The following ANKRD26 variants were observed in gnomAD, a reference collection of about 807,000 sequenced individuals.
ANKRD26 encodes the protein ankyrin repeat domain 26.
A neutral mutation model predicts 208.7 loss-of-function variants in ANKRD26; 141 were observed. The ratio of observed to expected loss-of-function variants is 0.68; its 90% CI spans 0.59 to 0.78. The LOEUF (loss-of-function observed/expected upper bound fraction) is 0.78. ANKRD26 is among the 30% of genes least tolerant of loss of function. ANKRD26 has a pLI of 0.00. For synonymous variants in ANKRD26, 636 were observed against 660.4 expected, an observed-to-expected ratio of 0.96 and a Z score of 0.57; for missense variants, 1,889 against 1,938.7, an observed-to-expected ratio of 0.97 and a Z score of 0.48.
At chr10:27,012,685 C>A (rs1326135104) in intron 32 of ANKRD26, among the ~76,000 whole-genome samples, 197 bp downstream of exon 32, 2 of 152,076 alleles carry the variant, frequency 1.3e-5, no homozygotes. Flanking sequence ...TGGTGGCACA[C>A]ACCTGTAATC....
chr10:26,999,606 G>A (rs2052673773), downstream of ANKRD26, among the ~76,000 whole-genome samples: 1 of 151,990 alleles, frequency 6.6e-6, no homozygotes, highest in South Asian at 2.1e-4. Flanking sequence ...TCTCCTGAAG[G>A]AGAAACCTCA....
chr10:27,093,750 G>A lies in ANKRD26; in HGVS notation c.292C>T (p.Leu98Phe). ...CANGHPEVVT[L>F]LVDRKCQLNV... ...AGCTGGCATTTTCTGTCCACCAGGA[G>A]AGTTACTACTTCTGGATGACCATTG... is the stretch of plus-strand genomic sequence containing the variant. Residue 98 changes from leucine to phenylalanine, a missense_variant, in exon 2 of 34, where the codon CTC becomes TTC. Leu to Phe is a conservative substitution (Grantham distance 22, BLOSUM62 0). This residue lies in a region of ANKRD26 where 1,272 missense variants were observed against 1,273.8 expected (regional missense o/e 1.00). Coordinates refer to ENST00000376087, the MANE Select transcript of ANKRD26 (RefSeq NM_014915.3). 3 of 1,614,244 alleles carry A rather than the reference G, an allele frequency of 1.9e-6. No individual in the cohort carries two copies. Among genetic ancestry groups the A allele is most frequent in the Non-Finnish European group, 2.5e-6 (3 of 1,180,054 alleles).
chr10:27,048,841 G>C lies in ANKRD26; in HGVS notation c.1774C>G (p.His592Asp). Residue 592 changes from histidine (H) to aspartate (D), a missense_variant, in exon 17 of 34, where the codon CAT (histidine) becomes GAT (aspartate). This residue lies in a region of ANKRD26 where 1,272 missense variants were observed against 1,273.8 expected (regional missense o/e 1.00). Transcript: ENST00000376087. ...TTTTCCTTCCTGGGAAATTGCTGAT[G>C]ATCAGTTTCTCCACTCTTTCTTTTT... ...IQKRKSGETDHQQFPRKENKE... is the reference protein window; with the variant it reads ...IQKRKSGETDDQQFPRKENKE... 6.2e-7 allele frequency: 1 copy of C among 1,613,084 alleles called. No homozygotes were observed. The highest frequency in any genetic ancestry group is 1.7e-5 in the Admixed American group (1 of 59,970).
At chr10:27,037,031 G>C (rs1001155364) in intron 23 of ANKRD26, among the ~76,000 whole-genome samples, 155 bp downstream of exon 23, 1 of 152,148 alleles carries the variant, frequency 6.6e-6, no homozygotes, top group Admixed American at 6.5e-5. Flanking sequence ...TTTATCCAAT[G>C]GACCAAAAAC....
At chr10:27,070,379 G>A (rs1439743495) in intron 9 of ANKRD26, among the ~76,000 whole-genome samples, 4 of 152,102 alleles carry the variant, frequency 2.6e-5, no homozygotes, top group Non-Finnish European at 4.4e-5. Context: ...CAGCCTAGGC[G>A]ACAGAGCAAG....
At chr10:27,060,566 C>G (rs752515607) in intron 13 of ANKRD26, 26 bp from the exon 14 acceptor site, 1 of 1,447,138 alleles carries the variant, frequency 6.9e-7, no homozygotes, top group South Asian at 1.2e-5. Flanking sequence ...GACATATAAT[C>G]AATTATACAT....
chr10:26,986,847 T>C (rs1054469953), intron 3 of ANKRD26, among the ~76,000 whole-genome samples: 1 of 152,206 alleles, frequency 6.6e-6, no homozygotes, highest in African/African-American at 2.4e-5. Context: ...GTAAACTAGT[T>C]CAACCATTGT....
the ANKRD26 span, among the ~76,000 whole-genome samples, chr10:26,956,997 T>C: frequency 6.6e-6 from 1 of 152,214 alleles, no homozygotes; most frequent in Non-Finnish European, 1.5e-5. Flanking sequence ...TGAATGACAT[T>C]GAGAATACTG....
At position 27,035,364 on chromosome 10, in the gene ANKRD26, T is replaced by A. The variant is rs775084788; in HGVS notation, c.3086A>T (p.Glu1029Val). The A allele has an allele frequency of 6.2e-7, 1 of 1,613,930 alleles. No homozygotes were observed. Among genetic ancestry groups the A allele is most frequent in the East Asian group, 2.2e-5 (1 of 44,858 alleles). Residue 1029 changes from glutamate (E) to valine (V), a missense_variant, in exon 24 of 34, where the codon GAA (glutamate) becomes GTA (valine). Around this residue, in one of 3 missense-constraint regions of ANKRD26, gnomAD observed 1,272 missense variants for 1,273.8 expected, o/e 1.00. Transcript: ENST00000376087. ...TGCTCTCTGGAAAGCAAGTTCTAGT[T>A]CTCTTTTTGATGTCTCACTTTGATC... ...DRDQSETSKR[E>V]LELAFQRARD...
intron 9 of ANKRD26, 46 bp from the exon 10 acceptor site, chr10:27,067,332 G>A: frequency 6.3e-7 from 1 of 1,592,644 alleles, no homozygotes; most frequent in Admixed American, 1.7e-5. Flanking sequence ...AGAAAACACT[G>A]TATTTATTCA....
chr10:26,963,590 G>A, the ANKRD26 span, among the ~76,000 whole-genome samples: 3 of 152,120 alleles, frequency 2.0e-5, no homozygotes, highest in African/African-American at 7.2e-5. Context: ...GCACTGCCCT[G>A]CAACCAGTCC....
At chr10:27,063,062 G>A (rs1013256243) in intron 12 of ANKRD26, among the ~76,000 whole-genome samples, 1 of 152,010 alleles carries the variant, frequency 6.6e-6, no homozygotes, top group South Asian at 2.1e-4. Flanking sequence ...CCAGCCTGAT[G>A]TAACATTTTC....
the ANKRD26 span, among the ~76,000 whole-genome samples, chr10:26,967,835 G>T: frequency 6.6e-6 from 1 of 152,078 alleles, no homozygotes; most frequent in Admixed American, 6.6e-5. Flanking sequence ...ACTGTCCATT[G>T]GGCCTTTATA....
downstream of ANKRD26, among the ~76,000 whole-genome samples, chr10:26,970,344 T>C (rs1564323478): frequency 6.6e-6 from 1 of 152,178 alleles, no homozygotes; most frequent in Non-Finnish European, 1.5e-5. Context: ...CTTGATGCTG[T>C]CTTCACCATA....
intron 24 of ANKRD26, 117 bp from the exon 25 acceptor site, chr10:27,033,494 C>T (rs1397512185): frequency 9.7e-7 from 1 of 1,033,590 alleles, no homozygotes; most frequent in Non-Finnish European, 1.4e-6. Context: ...AATATTACCA[C>T]ATACATTGAT....
chr10:27,066,012 G>A (rs1338272043), intron 11 of ANKRD26, among the ~76,000 whole-genome samples: 3 of 151,206 alleles, frequency 2.0e-5, no homozygotes, highest in Non-Finnish European at 4.4e-5. Context: ...ACAGGCACAC[G>A]CCACCACACC....
At chr10:27,075,900 T>A (rs2055682080) in intron 9 of ANKRD26, among the ~76,000 whole-genome samples, 1 of 152,222 alleles carries the variant, frequency 6.6e-6, no homozygotes, top group Non-Finnish European at 1.5e-5. Flanking sequence ...ATATGAAGTA[T>A]CTTCTCAGAC....
chr10:26,982,080 A>G (rs1210215977), intron 4 of ANKRD26, among the ~76,000 whole-genome samples: 5 of 152,210 alleles, frequency 3.3e-5, no homozygotes, highest in African/African-American at 4.8e-5. Flanking sequence ...CAACATAGAC[A>G]ATATGGCAGA....
chr10:26,961,942 T>C, the ANKRD26 span, among the ~76,000 whole-genome samples: 1 of 152,206 alleles, frequency 6.6e-6, no homozygotes, highest in Non-Finnish European at 1.5e-5. Context: ...AATATATGTG[T>C]ATAACAAGAA....
Sources: gnomAD v4.1 joint callset for allele counts (sites outside exome capture counted in the v4.1 genomes callset) on GRCh38, gnomAD v4.1.1 for gene constraint, gnomAD v4.1.1 regional missense constraint, MANE v1.5 for transcripts, NCBI Gene and HGNC (gene_info 2026-07-23, HGNC 2026-07-21) for gene names.